The following TMEM178B variants were observed in gnomAD, a reference collection of about 807,000 sequenced individuals.
TMEM178B encodes the protein transmembrane protein 178B.
A neutral mutation model predicts 31.0 loss-of-function variants in TMEM178B; 5 were observed. The ratio of observed to expected loss-of-function variants is 0.16; its 90% CI spans 0.08 to 0.34. The LOEUF (loss-of-function observed/expected upper bound fraction) is 0.34. TMEM178B is among the 10% of genes least tolerant of loss of function. The pLI, the probability that TMEM178B is intolerant of heterozygous loss-of-function variation, is 1.00. For missense variants in TMEM178B, 275 were observed against 400.3 expected (o/e 0.69, Z 2.67); for synonymous variants, 164 against 164.0 (o/e 1.00, Z 0.00).
intron 1 of TMEM178B, among the ~76,000 whole-genome samples, chr7:141,197,497 C>T (rs897600880): frequency 6.6e-6 from 1 of 152,190 alleles, no homozygotes; most frequent in Non-Finnish European, 1.5e-5. Flanking sequence ...TAATTAACAT[C>T]TGTAATCTAG....
intron 1 of TMEM178B, among the ~76,000 whole-genome samples, chr7:141,196,057 G>C (rs6464399): frequency 0.72 from 109,089 of 152,022 alleles, 39,581 homozygotes; most frequent in African/African-American, 0.78. Flanking sequence ...CACAGCCAAA[G>C]CATATCAGTA....
chr7:141,431,684 A>G (rs1267782340), intron 2 of TMEM178B, among the ~76,000 whole-genome samples: 2 of 152,178 alleles, frequency 1.3e-5, no homozygotes, highest in Non-Finnish European at 2.9e-5. Context: ...GATTATTCTT[A>G]GGCCAGTCCC....
At chr7:141,158,802 G>A (rs534020036) in intron 1 of TMEM178B, among the ~76,000 whole-genome samples, 3 of 152,204 alleles carry the variant, frequency 2.0e-5, no homozygotes, top group African/African-American at 7.2e-5. Context: ...CCTGCATGCC[G>A]AAAGAACAAG....
chr7:141,147,213 C>A (rs1351189899), intron 1 of TMEM178B, among the ~76,000 whole-genome samples: 1 of 152,068 alleles, frequency 6.6e-6, no homozygotes, highest in Non-Finnish European at 1.5e-5. Context: ...CCTTCCCTCC[C>A]TCCGTCCCTC....
At chr7:141,283,951 G>A (rs6954190) in intron 2 of TMEM178B, among the ~76,000 whole-genome samples, 188 of 152,348 alleles carry the variant, frequency 1.2e-3, no homozygotes, top group South Asian at 6.8e-3. Flanking sequence ...ATTTATTGAA[G>A]ACAGAATAAT....
intron 2 of TMEM178B, among the ~76,000 whole-genome samples, chr7:141,336,297 G>C: frequency 6.6e-6 from 1 of 152,108 alleles, no homozygotes; most frequent in East Asian, 1.9e-4. Flanking sequence ...CTGCCTGTCT[G>C]CCTCCATTTC....
intron 2 of TMEM178B, among the ~76,000 whole-genome samples, chr7:141,283,759 T>C (rs1798401349): frequency 6.6e-6 from 1 of 152,190 alleles, no homozygotes; most frequent in African/African-American, 2.4e-5. Context: ...AATATACACT[T>C]ATTTTTTGGC....
chr7:141,459,062 T>A (rs189702128), intron 3 of TMEM178B, among the ~76,000 whole-genome samples: 9 of 152,230 alleles, frequency 5.9e-5, no homozygotes, highest in African/African-American at 2.2e-4. Flanking sequence ...AGAGTTTCAC[T>A]CTTATTGCCC....
intron 1 of TMEM178B, among the ~76,000 whole-genome samples, chr7:141,124,135 G>T (rs150548140): frequency 6.6e-6 from 1 of 152,128 alleles, no homozygotes; most frequent in African/African-American, 2.4e-5. Context: ...GGGAGGCCGA[G>T]GTGGGCAGAT....
intron 2 of TMEM178B, among the ~76,000 whole-genome samples, chr7:141,383,160 C>CT (rs1292224719): frequency 6.5e-5 from 9 of 139,348 alleles, no homozygotes; most frequent in South Asian, 4.2e-4. Flanking sequence ...TTCTTTCTTT[C>CT]TTTCTTTTTT....
At chr7:141,322,688 G>A (rs1328000390) in intron 2 of TMEM178B, among the ~76,000 whole-genome samples, 1 of 152,208 alleles carries the variant, frequency 6.6e-6, no homozygotes. Context: ...AGGCTTGGAG[G>A]TGCATGGGGT....
At chr7:141,121,888 G>A (rs1186955699) in intron 1 of TMEM178B, among the ~76,000 whole-genome samples, 1 of 152,044 alleles carries the variant, frequency 6.6e-6, no homozygotes, top group Non-Finnish European at 1.5e-5. Flanking sequence ...GCTCTCTTCA[G>A]TCAGCTACTC....
Position 141,125,840 on chromosome 7 carries a change from T to C in TMEM178B, c.382+51148T>C, listed in dbSNP as rs10261376. Among the ~76,000 whole-genome samples, 399 of 152,340 alleles carry C rather than the reference T, an allele frequency of 2.6e-3. 1 individual carries two copies. Among genetic ancestry groups the C allele is most frequent in the African/African-American group, 9.0e-3 (376 of 41,580 alleles). On this transcript the variant is annotated intron_variant, in intron 1 of 3. Transcript: ENST00000565468. ...CAGTTTGCTAGAAAATTTCTTTTGG[T>C]ACTGGAAGTGCAGGAAATTAATAAG... is the stretch of plus-strand genomic sequence containing the variant.
chr7:141,261,806 C>G (rs1480625741), intron 2 of TMEM178B, among the ~76,000 whole-genome samples: 1 of 152,150 alleles, frequency 6.6e-6, no homozygotes, highest in Non-Finnish European at 1.5e-5. Flanking sequence ...CCTTTAACCC[C>G]TGCATGCATC....
chr7:141,409,204 T>C (rs1038315419), intron 2 of TMEM178B, among the ~76,000 whole-genome samples: 1 of 152,118 alleles, frequency 6.6e-6, no homozygotes, highest in Non-Finnish European at 1.5e-5. Flanking sequence ...GTCACTATCA[T>C]GTGAGAGGAC....
At chr7:141,172,553 A>G (rs1796365403) in intron 1 of TMEM178B, among the ~76,000 whole-genome samples, 1 of 152,232 alleles carries the variant, frequency 6.6e-6, no homozygotes, top group Admixed American at 6.5e-5. Flanking sequence ...TGCTGTGTCT[A>G]GCATCTACAA....
At chr7:141,418,659 A>C (rs923503618) in intron 2 of TMEM178B, among the ~76,000 whole-genome samples, 1 of 152,100 alleles carries the variant, frequency 6.6e-6, no homozygotes, top group Non-Finnish European at 1.5e-5. Flanking sequence ...TCGGTATTCA[A>C]ATTCTATTCT....
At chr7:141,365,575 A>G (rs1357930677) in intron 2 of TMEM178B, among the ~76,000 whole-genome samples, 1 of 152,218 alleles carries the variant, frequency 6.6e-6, no homozygotes, top group Non-Finnish European at 1.5e-5. Context: ...AGCTAAATCA[A>G]TGTCACCATA....
intron 2 of TMEM178B, among the ~76,000 whole-genome samples, chr7:141,341,675 A>G (rs1799517912): frequency 6.6e-6 from 1 of 152,188 alleles, no homozygotes; most frequent in Non-Finnish European, 1.5e-5. Flanking sequence ...TCTCCTGTCT[A>G]GCAATTTAGT....
Sources: allele counts gnomAD v4.1 joint callset (sites outside exome capture counted in the v4.1 genomes callset), GRCh38; gene constraint gnomAD v4.1.1; transcripts MANE v1.5; gene names NCBI Gene and HGNC (gene_info 2026-07-23, HGNC 2026-07-21).